The following ULK4 variants were observed in gnomAD, a reference collection of about 807,000 sequenced individuals.
The protein encoded by ULK4 is inactive serine/threonine-protein kinase ULK4.
A neutral mutation model predicts 160.6 loss-of-function variants in ULK4; 133 were observed. The ratio of observed to expected loss-of-function variants is 0.83; its 90% CI spans 0.72 to 0.96. The LOEUF is 0.96. ULK4 is among the 40% of genes least tolerant of loss of function. The probability of loss-of-function intolerance (pLI) is 0.00; values close to 1 mark genes in which losing one functional copy is unlikely to be tolerated. For missense variants in ULK4, 1,580 were observed against 1,499.5 expected (o/e 1.05, Z -0.89); for synonymous variants, 534 against 539.8 (o/e 0.99, Z 0.15).
intron 32 of ULK4, among the ~76,000 whole-genome samples, chr3:41,518,713 T>C (rs541187113): frequency 1.1e-3 from 168 of 152,318 alleles, no homozygotes; most frequent in Middle Eastern, 6.8e-3. Flanking sequence ...TATGCAGCAC[T>C]GGTTCTATCA....
At chr3:41,947,874 CA>C (rs1318233584) in intron 2 of ULK4, among the ~76,000 whole-genome samples, 7 of 152,260 alleles carry the variant, frequency 4.6e-5, no homozygotes, top group Admixed American at 4.6e-4. Context: ...AGACACTCAA[CA>C]ATACGCTTTT....
chr3:41,611,639 A>G (rs2032682366), intron 31 of ULK4, among the ~76,000 whole-genome samples: 1 of 151,784 alleles, frequency 6.6e-6, no homozygotes, highest in Admixed American at 6.6e-5. Context: ...ATGGACACTC[A>G]AGTTTCCAGT....
intron 35 of ULK4, among the ~76,000 whole-genome samples, chr3:41,384,086 A>G (rs1182306957): frequency 6.6e-6 from 1 of 152,204 alleles, no homozygotes; most frequent in Non-Finnish European, 1.5e-5. Flanking sequence ...ACACACCTGC[A>G]TAGTGGAGAC....
At chr3:41,899,552 G>A (rs1419539164) in intron 13 of ULK4, among the ~76,000 whole-genome samples, 2 of 152,212 alleles carry the variant, frequency 1.3e-5, no homozygotes, top group Non-Finnish European at 2.9e-5. Context: ...AGACGGCTTT[G>A]AAAGTGGCCC....
chr3:41,530,906 G>C (rs1302274856), intron 32 of ULK4, among the ~76,000 whole-genome samples: 1 of 151,810 alleles, frequency 6.6e-6, no homozygotes, highest in Non-Finnish European at 1.5e-5. Context: ...TGGGACTACA[G>C]GTGCACGCCA....
At chr3:41,593,345 T>C (rs2031478605) in intron 31 of ULK4, among the ~76,000 whole-genome samples, 3 of 152,266 alleles carry the variant, frequency 2.0e-5, no homozygotes, top group South Asian at 4.1e-4. Flanking sequence ...TGATTGAAGA[T>C]CTACCAGGCA....
chr3:41,291,386 G>T (rs560022719), intron 35 of ULK4, among the ~76,000 whole-genome samples: 1 of 41,322 alleles, frequency 2.4e-5, no homozygotes, highest in East Asian at 5.8e-4. Context: ...AAGGAAGGAA[G>T]GAAGGAGAAA....
At chr3:41,640,444 C>T (rs2034136914) in intron 30 of ULK4, among the ~76,000 whole-genome samples, 1 of 152,142 alleles carries the variant, frequency 6.6e-6, no homozygotes, top group Admixed American at 6.5e-5. Flanking sequence ...TTCATGCCAT[C>T]TCCAAAATGT....
chr3:41,524,155 G>A (rs2086029855), intron 32 of ULK4, among the ~76,000 whole-genome samples: 1 of 152,186 alleles, frequency 6.6e-6, no homozygotes, highest in African/African-American at 2.4e-5. Context: ...GCTATGAGCA[G>A]AGCTTCTTTC....
chr3:41,377,495 A>G (rs1359401682), intron 35 of ULK4, among the ~76,000 whole-genome samples: 1 of 150,338 alleles, frequency 6.7e-6, no homozygotes, highest in Non-Finnish European at 1.5e-5. Context: ...GCTAATATCA[A>G]GAATCTACAA....
chr3:41,915,110 G>A (rs1047842565), intron 8 of ULK4, among the ~76,000 whole-genome samples: 1 of 152,010 alleles, frequency 6.6e-6, no homozygotes, highest in Admixed American at 6.6e-5. Flanking sequence ...TATAAATGTA[G>A]GGATATGTGG....
intron 30 of ULK4, among the ~76,000 whole-genome samples, chr3:41,619,067 C>G (rs1275087017): frequency 6.6e-6 from 1 of 151,966 alleles, no homozygotes; most frequent in Non-Finnish European, 1.5e-5. Context: ...ATCAATGCAA[C>G]AAGAAGAGCT....
intron 29 of ULK4, among the ~76,000 whole-genome samples, chr3:41,670,267 G>A (rs2125773283): frequency 6.6e-6 from 1 of 152,308 alleles, no homozygotes; most frequent in Non-Finnish European, 1.5e-5. Flanking sequence ...ACTGCTACAA[G>A]AAAGGGGTAG....
At chr3:41,814,119 G>A (rs536761003) in intron 19 of ULK4, among the ~76,000 whole-genome samples, 3 of 152,298 alleles carry the variant, frequency 2.0e-5, no homozygotes, top group East Asian at 1.9e-4. Context: ...AGGTCTGCTC[G>A]CAGGGGAGGC....
intron 31 of ULK4, among the ~76,000 whole-genome samples, chr3:41,583,047 G>T (rs2030498445): frequency 6.6e-6 from 1 of 152,162 alleles, no homozygotes; most frequent in South Asian, 2.1e-4. Flanking sequence ...ATGAAATTCT[G>T]AATGTGAGAC....
chr3:41,681,120 G>A (rs1314675959), intron 29 of ULK4, among the ~76,000 whole-genome samples: 1 of 152,098 alleles, frequency 6.6e-6, no homozygotes, highest in African/African-American at 2.4e-5. Flanking sequence ...TGGAGAAGGG[G>A]ATTACCTCTA....
intron 17 of ULK4, among the ~76,000 whole-genome samples, chr3:41,861,504 G>A (rs2042496176): frequency 6.6e-6 from 1 of 152,148 alleles, no homozygotes; most frequent in Non-Finnish European, 1.5e-5. Flanking sequence ...ACTGAAAAGT[G>A]TGCTGCCAGA....
chr3:41,371,173 T>A (rs1443241302), intron 35 of ULK4, among the ~76,000 whole-genome samples: 1 of 152,104 alleles, frequency 6.6e-6, no homozygotes, highest in Non-Finnish European at 1.5e-5. Flanking sequence ...AACTCCCATC[T>A]CCCTAGGACA....
At position 41,939,437 on chromosome 3, in the gene ULK4, G is replaced by T. The variant is rs189515966; in HGVS notation, c.139-1240C>A. Among the ~76,000 whole-genome samples the T allele has an allele frequency of 1.1e-4, 16 of 151,684 alleles. No individual in the cohort carries two copies. In the East Asian group the frequency reaches 3.1e-3, roughly 30 times the overall value. Reference sequence around the variant, plus strand: ...GGCCTCCCAAAGTGCTGGGAATACAGGCATGAGCCACTGTGCCTGGTCAAG... The same window carrying T: ...GGCCTCCCAAAGTGCTGGGAATACATGCATGAGCCACTGTGCCTGGTCAAG... On this transcript the variant is annotated intron_variant, in intron 2 of 36. Transcript: ENST00000301831.
Sources: gnomAD v4.1 joint callset for allele counts (sites outside exome capture counted in the v4.1 genomes callset) on GRCh38, gnomAD v4.1.1 for gene constraint, MANE v1.5 for transcripts, NCBI Gene and HGNC (gene_info 2026-07-23, HGNC 2026-07-21) for gene names.